RNF17: variants seen among roughly 807,000 people sequenced by gnomAD.
RNF17 encodes the protein ring finger protein 17.
A neutral mutation model predicts 200.5 loss-of-function variants in RNF17; 31 were observed. That is an observed-to-expected ratio of 0.15 (90% CI 0.12 to 0.21). RNF17 has a LOEUF of 0.21. Ranked by LOEUF, RNF17 falls within the 10% of genes least tolerant of loss-of-function variation. RNF17 has a pLI of 1.00. For synonymous variants in RNF17, 606 were observed against 637.8 expected, an observed-to-expected ratio of 0.95 and a Z score of 0.75; for missense variants, 1,628 against 1,905.1, an observed-to-expected ratio of 0.85 and a Z score of 2.71.
At chr13:24,884,840 A>C (rs1338790033), downstream of RNF17, among the ~76,000 whole-genome samples, 2 of 152,160 alleles carry the variant, frequency 1.3e-5, no homozygotes, top group Non-Finnish European at 1.5e-5. Context: ...CGAAAAGTAA[A>C]TTTTCCATAA....
chr13:24,810,339 T>C (rs1301274588), intron 15 of RNF17, among the ~76,000 whole-genome samples: 1 of 137,252 alleles, frequency 7.3e-6, no homozygotes. Flanking sequence ...ATTGGGTGCA[T>C]ATATATTTAG....
At chr13:24,883,967 G>GTACTC (rs749706621), downstream of RNF17, 1 of 1,614,092 alleles carries the variant, frequency 6.2e-7, no homozygotes, top group African/African-American at 1.3e-5. Context: ...CCATACCGTT[G>GTACTC]TACTCTGACA....
intron 17 of RNF17, 53 bp from the exon 18 acceptor site, chr13:24,831,805 A>C: frequency 2.0e-6 from 3 of 1,499,426 alleles, no homozygotes; most frequent in Non-Finnish European, 2.7e-6. Flanking sequence ...TTGAATTCTA[A>C]AGTAGGTAGA....
Position 24,876,998 on chromosome 13 carries a change from CTG to C in RNF17, c.4588_4589del (p.Cys1530ProfsTer22). Reference protein sequence around the residue: ...GSTAKLTLNRLCQIPSHLMRY... With the variant: ...GSTAKLTLNRXCQIPSHLMRY... ...ATGTAAGAATTTCTTTTGTGACAGA[CTG>C]TGCCAAATTCCTTCTCATCTTATGC... On this transcript the variant is annotated frameshift_variant and splice_region_variant, in exon 34 of 36. Coordinates refer to ENST00000255324, the MANE Select transcript of RNF17 (RefSeq NM_031277.3). LOFTEE classifies it high-confidence loss of function. 1 of 1,585,946 alleles carries C rather than the reference CTG, an allele frequency of 6.3e-7. No homozygotes were observed. The highest frequency in any genetic ancestry group is 8.5e-7 in the Non-Finnish European group (1 of 1,170,732).
chr13:24,778,846 G>A (rs1231357927), intron 4 of RNF17, among the ~76,000 whole-genome samples: 1 of 152,130 alleles, frequency 6.6e-6, no homozygotes, highest in East Asian at 1.9e-4. Flanking sequence ...AATGTATTAA[G>A]ATTAGAAATA....
intron 18 of RNF17, among the ~76,000 whole-genome samples, chr13:24,840,197 G>C (rs544003076): frequency 6.6e-6 from 1 of 152,222 alleles, no homozygotes; most frequent in South Asian, 2.1e-4. Context: ...CACTCCTGCA[G>C]AAATGGCCAT....
At chr13:24,776,813 C>T (rs931673293) in intron 3 of RNF17, among the ~76,000 whole-genome samples, 8 of 152,224 alleles carry the variant, frequency 5.3e-5, no homozygotes, top group African/African-American at 1.9e-4. Context: ...AAGACAAACC[C>T]AATGTTGCCA....
intron 15 of RNF17, among the ~76,000 whole-genome samples, chr13:24,809,529 CT>C (rs1566163490): frequency 6.6e-6 from 1 of 152,128 alleles, no homozygotes; most frequent in Non-Finnish European, 1.5e-5. Flanking sequence ...ATTCTTCTCT[CT>C]TTTTTTCTTT....
chr13:24,810,962 T>C (rs2137819510), intron 15 of RNF17, among the ~76,000 whole-genome samples: 1 of 151,882 alleles, frequency 6.6e-6, no homozygotes, highest in South Asian at 2.1e-4. Context: ...GAATGTTGAA[T>C]ATTGGCCCCC....
intron 25 of RNF17, among the ~76,000 whole-genome samples, chr13:24,855,647 G>A (rs1002097076): frequency 6.6e-6 from 1 of 151,582 alleles, no homozygotes; most frequent in Non-Finnish European, 1.5e-5. Flanking sequence ...AAAAAAATTG[G>A]TGGATAATTT....
At chr13:24,800,109 T>C (rs1484620509) in intron 12 of RNF17, among the ~76,000 whole-genome samples, 2 of 152,120 alleles carry the variant, frequency 1.3e-5, no homozygotes, top group Non-Finnish European at 2.9e-5. Flanking sequence ...GAAGTGTCAT[T>C]ATCTCCTTTA....
At chr13:24,812,380 A>T (rs999296772) in intron 15 of RNF17, among the ~76,000 whole-genome samples, 1 of 151,886 alleles carries the variant, frequency 6.6e-6, no homozygotes, top group Non-Finnish European at 1.5e-5. Flanking sequence ...AAAGTGCAGT[A>T]TTCGGGTGGG....
intron 6 of RNF17, among the ~76,000 whole-genome samples, chr13:24,783,243 G>A (rs913024024): frequency 1.1e-4 from 17 of 152,240 alleles, no homozygotes; most frequent in East Asian, 1.9e-4. Flanking sequence ...GTTTTATTCC[G>A]TTGTTCTGTA....
intron 2 of RNF17, among the ~76,000 whole-genome samples, chr13:24,771,269 A>C (rs1251594270): frequency 7.5e-5 from 11 of 146,670 alleles, no homozygotes; most frequent in Admixed American, 1.4e-4. Flanking sequence ...CTCCTACCTC[A>C]TCCAGTCCAG....
intron 15 of RNF17, among the ~76,000 whole-genome samples, chr13:24,810,274 C>CT (rs1171727005): frequency 1.4e-5 from 2 of 146,220 alleles, no homozygotes; most frequent in Non-Finnish European, 3.0e-5. Flanking sequence ...GTGTGGGAGT[C>CT]TAAGTCTCTT....
intron 5 of RNF17, among the ~76,000 whole-genome samples, chr13:24,781,196 T>G (rs1882317415): frequency 1.3e-5 from 2 of 148,424 alleles, no homozygotes; most frequent in Admixed American, 6.7e-5. Flanking sequence ...GTTTCTACGG[T>G]TTTTTTTTTA....
intron 2 of RNF17, among the ~76,000 whole-genome samples, chr13:24,772,166 A>T (rs1880827719): frequency 6.6e-6 from 1 of 152,160 alleles, no homozygotes; most frequent in Admixed American, 6.5e-5. Flanking sequence ...TTCTATATTA[A>T]GTTCTCATAG....
chr13:24,786,759 T>C (rs1474376069), intron 6 of RNF17, among the ~76,000 whole-genome samples: 1 of 152,222 alleles, frequency 6.6e-6, no homozygotes, highest in African/African-American at 2.4e-5. Flanking sequence ...GAGGATCCCT[T>C]GTACTTGACA....
intron 26 of RNF17, among the ~76,000 whole-genome samples, chr13:24,860,459 T>C (rs972796738): frequency 6.6e-6 from 1 of 152,192 alleles, no homozygotes; most frequent in Non-Finnish European, 1.5e-5. Context: ...GTTTATCCTG[T>C]GATTCACATT....
Sources: gnomAD v4.1 joint callset for allele counts (sites outside exome capture counted in the v4.1 genomes callset) on GRCh38, gnomAD v4.1.1 for gene constraint, MANE v1.5 for transcripts, NCBI Gene and HGNC (gene_info 2026-07-23, HGNC 2026-07-21) for gene names.